The following CD36 variants were observed in gnomAD, a reference collection of about 807,000 sequenced individuals.
CD36 encodes the protein CD36 molecule (CD36 blood group), also known as platelet glycoprotein 4.
In CD36, 119 loss-of-function variants were observed where a neutral mutation model predicts 55.2. The observed-to-expected ratio is 2.15, with a 90% CI of 1.86 to 2.51. CD36 has a LOEUF of 2.51. Ranked by LOEUF, CD36 falls within the 30% of genes most tolerant of loss-of-function variation. The probability of loss-of-function intolerance (pLI) is 0.00; values close to 1 mark genes in which losing one functional copy is unlikely to be tolerated. For synonymous variants in CD36, 186 were observed against 193.6 expected (o/e 0.96, Z 0.33); for missense variants, 819 against 555.5 (o/e 1.47, Z -4.77).
chr7:80,651,865 C>T (rs1214702097), intron 3 of CD36, among the ~76,000 whole-genome samples: 3 of 152,134 alleles, frequency 2.0e-5, no homozygotes, highest in Admixed American at 6.6e-5. Flanking sequence ...GCTAAGGTCG[C>T]GCCTCTGTAC....
intron 8 of CD36, among the ~76,000 whole-genome samples, chr7:80,668,233 G>A (rs939396435): frequency 6.6e-6 from 1 of 152,088 alleles, no homozygotes; most frequent in Admixed American, 6.6e-5. Context: ...TCTTTAAGGA[G>A]AAAAATCTTT....
At chr7:80,623,999 T>C (rs973205941) in intron 1 of CD36, 5 of 152,188 alleles carry the variant, frequency 3.3e-5, no homozygotes, top group Admixed American at 3.3e-4. Context: ...CTCACAGGAG[T>C]GTCAATCAAA....
chr7:80,617,727 C>CAAA (rs5885184), intron 1 of CD36, among the ~76,000 whole-genome samples: 1 of 122,776 alleles, frequency 8.1e-6, no homozygotes, highest in African/African-American at 3.1e-5. Flanking sequence ...ACTGTGTCTC[C>CAAA]AAAAAAAAAA....
At chr7:80,642,361 G>C (rs750941181) in intron 1 of CD36, among the ~76,000 whole-genome samples, 12 of 152,092 alleles carry the variant, frequency 7.9e-5, no homozygotes, top group Non-Finnish European at 1.8e-4. Flanking sequence ...AACTGAGTAA[G>C]CATAACCCAA....
chr7:80,661,178 G>A lies in CD36; in HGVS notation c.397G>A (p.Asp133Asn), dbSNP rs375090911. 5 of 1,614,012 alleles carry A rather than the reference G, an allele frequency of 3.1e-6. No individual in the cohort carries two copies. Among genetic ancestry groups the A allele is most frequent in the Non-Finnish European group, 4.2e-6 (5 of 1,179,928 alleles). The part of the protein sequence containing the change: ...EPSLSVGTEA[D>N]NFTVLNLAVA... The stretch of plus-strand genomic sequence containing the variant: ...TTCACTATCAGTTGGAACAGAGGCT[G>A]ACAACTTCACAGTTCTCAATCTGGC... The change falls in exon 5 of 15, where the codon GAC (aspartate) becomes AAC (asparagine). Residue 133 changes from aspartate (D) to asparagine (N), a missense_variant. Coordinates refer to ENST00000447544, the MANE Select transcript of CD36 (RefSeq NM_001001548.3).
In CD36 at chr7:80,677,409, T is replaced by C. The variant is rs903278267; in HGVS notation, c.*1026T>C. ...AGAAGGATACAGGACAAAGGAATAG[T>C]AACTGGCCTGTTTGGATACTAAAAT... is the stretch of plus-strand genomic sequence containing the variant. On this transcript the variant is annotated 3_prime_UTR_variant, in exon 15 of 15. Coordinates refer to ENST00000447544, the MANE Select transcript of CD36 (RefSeq NM_001001548.3). The C allele has an allele frequency of 1.3e-5, 2 of 152,158 alleles. No homozygotes were observed. The highest frequency in any genetic ancestry group is 2.9e-5 in the Non-Finnish European group (2 of 68,020). The allele number at this position is 152,158 out of a possible 1,614,324, so 9.4% of individuals were successfully genotyped here.
upstream of CD36, among the ~76,000 whole-genome samples, chr7:80,638,053 CAG>C (rs1031029662): frequency 2.6e-5 from 4 of 151,792 alleles, no homozygotes; most frequent in Admixed American, 1.3e-4. Flanking sequence ...GCAAAACTAA[CAG>C]AAAATGATAA....
At chr7:80,650,117 G>A (rs867329446) in intron 3 of CD36, among the ~76,000 whole-genome samples, 25 of 152,136 alleles carry the variant, frequency 1.6e-4, no homozygotes, top group African/African-American at 5.3e-4. Flanking sequence ...ACTTCCTAGT[G>A]TAGATTCAAA....
In CD36 at chr7:80,663,017, T is replaced by C; in HGVS notation, c.457T>C (p.Phe153Leu). 6.2e-7 allele frequency: 1 copy of C among 1,613,348 alleles called. No homozygotes were observed. Among genetic ancestry groups the C allele is most frequent in the Non-Finnish European group, 8.5e-7 (1 of 1,179,518 alleles). The change falls in exon 6 of 15, where the codon TTT becomes CTT. Residue 153 changes from phenylalanine (F) to leucine (L), a missense_variant. Physicochemically the swap from Phe to Leu is conservative, Grantham distance 22. Coordinates refer to ENST00000447544, the MANE Select transcript of CD36 (RefSeq NM_001001548.3). ...AAASHIYQNQ[F>L]VQMILNSLIN... ...TGCATCCCATATCTATCAAAATCAA[T>C]TTGTTCAAATGATCCTCAATTCACT...
chr7:80,628,012 T>C (rs1034023103), intron 1 of CD36, among the ~76,000 whole-genome samples: 1 of 152,030 alleles, frequency 6.6e-6, no homozygotes, highest in Non-Finnish European at 1.5e-5. Flanking sequence ...GTACATCTGT[T>C]CTTTATTCCA....
At position 80,672,810 on chromosome 7, in the gene CD36, T is replaced by TC; in HGVS notation, c.1167dup (p.Asn390GlnfsTer28). 6.2e-7 allele frequency: 1 copy of TC among 1,611,140 alleles called. No homozygotes were observed. ...TTACAATTTGCAAAACGGCTGCAGG[T>TC]CAACCTATTGGTCAAGCCATCAGAA... is the stretch of plus-strand genomic sequence containing the variant. On this transcript the variant is annotated frameshift_variant, in exon 12 of 15. Transcript: ENST00000447544. LOFTEE classifies it high-confidence loss of function.
chr7:80,655,363 T>C (rs538697611), intron 3 of CD36, among the ~76,000 whole-genome samples: 35 of 152,286 alleles, frequency 2.3e-4, no homozygotes, highest in Non-Finnish European at 4.6e-4. Context: ...GTTAACTCCC[T>C]TATTTTACAG....
In CD36 at chr7:80,656,680, A is replaced by C; in HGVS notation, c.261A>C (p.Gln87His). 1.2e-6 allele frequency: 2 copies of C among 1,613,716 alleles called. No homozygotes were observed. Among genetic ancestry groups the C allele is most frequent in the South Asian group, 2.2e-5 (2 of 91,078 alleles). Reference sequence around the variant, plus strand: ...ACAGCAGCAACATTCAAGTTAAGCAAAGAGGTCCTTATACGTACAGGTGAG... The same window carrying C: ...ACAGCAGCAACATTCAAGTTAAGCACAGAGGTCCTTATACGTACAGGTGAG... ...MMNSSNIQVK[Q>H]RGPYTYRVRF... The change falls in exon 4 of 15, where the codon CAA becomes CAC. Residue 87 changes from glutamine (Q) to histidine (H), a missense_variant. Coordinates refer to ENST00000447544, the MANE Select transcript of CD36 (RefSeq NM_001001548.3).
Position 80,672,832 on chromosome 7 carries a change from A to AG in CD36, c.1189dup (p.Glu397GlyfsTer21), listed in dbSNP as rs781552638. On this transcript the variant is annotated frameshift_variant, in exon 12 of 15. Transcript: ENST00000447544. LOFTEE classifies it high-confidence loss of function. ...AGGTCAACCTATTGGTCAAGCCATC[A>AG]GAAAAAATTCAGTGAGTCTCTTGAA... 9 of 1,609,636 alleles carry AG rather than the reference A, an allele frequency of 5.6e-6. No individual in the cohort carries two copies. In the African/African-American group the frequency reaches 1.2e-4, roughly 21 times the overall value.
At chr7:80,637,548 G>A (rs1245031228), upstream of CD36, among the ~76,000 whole-genome samples, 1 of 150,842 alleles carries the variant, frequency 6.6e-6, no homozygotes, top group African/African-American at 2.4e-5. Context: ...AAAAATTCTT[G>A]AGGAGAAAAG....
intron 13 of CD36, chr7:80,673,611 G>GCAT (rs900223351): frequency 1.8e-6 from 1 of 567,824 alleles, no homozygotes; most frequent in East Asian, 2.9e-5. Context: ...CTTCAAAAAT[G>GCAT]CATCTATTAA....
intron 1 of CD36, among the ~76,000 whole-genome samples, chr7:80,623,276 A>G (rs1483688657): frequency 6.6e-6 from 1 of 152,082 alleles, no homozygotes; most frequent in Non-Finnish European, 1.5e-5. Context: ...TCTCATATAT[A>G]CACAATAATA....
At chr7:80,615,043 C>G (rs962121724) in intron 1 of CD36, among the ~76,000 whole-genome samples, 3 of 152,068 alleles carry the variant, frequency 2.0e-5, no homozygotes, top group Non-Finnish European at 4.4e-5. Flanking sequence ...GGCTTGCTTT[C>G]CAGTTTTACA....
chr7:80,667,754 T>TTTTTGTTG (rs1554344799), intron 8 of CD36, among the ~76,000 whole-genome samples: 6 of 128,726 alleles, frequency 4.7e-5, no homozygotes, highest in Non-Finnish European at 6.4e-5. Flanking sequence ...TTTGTTTTTT[T>TTTTTGTTG]TTTTTTTTTT....
Sources: allele counts gnomAD v4.1 joint callset (sites outside exome capture counted in the v4.1 genomes callset), GRCh38; gene constraint gnomAD v4.1.1; transcripts MANE v1.5; gene names NCBI Gene and HGNC (gene_info 2026-07-23, HGNC 2026-07-21).